The following KAZN variants were observed in gnomAD, a reference collection of about 807,000 sequenced individuals.
KAZN encodes the protein kazrin.
A neutral mutation model predicts 87.4 loss-of-function variants in KAZN; 40 were observed. That is an observed-to-expected ratio of 0.46 (90% CI 0.36 to 0.60). The LOEUF (loss-of-function observed/expected upper bound fraction) is 0.60. Among genes scored for constraint, KAZN ranks in the 20% least tolerant of loss-of-function variants. The probability of loss-of-function intolerance (pLI) is 0.00; values close to 1 mark genes in which losing one functional copy is unlikely to be tolerated. For missense variants in KAZN, 898 were observed against 1,073.9 expected (o/e 0.84, Z 2.29); for synonymous variants, 466 against 458.3 (o/e 1.02, Z -0.22).
chr1:14,160,596 CT>C (rs1645688828), intron 1 of KAZN, among the ~76,000 whole-genome samples: 1 of 152,114 alleles, frequency 6.6e-6, no homozygotes, highest in African/African-American at 2.4e-5. Flanking sequence ...TATGAAGGTG[CT>C]TTTTTTGTGT....
chr1:14,128,632 CT>C (rs1644925324), intron 1 of KAZN, among the ~76,000 whole-genome samples: 1 of 152,070 alleles, frequency 6.6e-6, no homozygotes, highest in Non-Finnish European at 1.5e-5. Context: ...CCCAAACAGG[CT>C]TAATTTTCTC....
chr1:13,973,237 T>C (rs1445577389), intron 1 of KAZN, among the ~76,000 whole-genome samples: 1 of 152,198 alleles, frequency 6.6e-6, no homozygotes, highest in Non-Finnish European at 1.5e-5. Context: ...AACAACCTCA[T>C]GGAGGTAGAG....
intron 2 of KAZN, among the ~76,000 whole-genome samples, chr1:14,515,491 G>C (rs570521750): frequency 6.6e-6 from 1 of 152,280 alleles, no homozygotes; most frequent in Non-Finnish European, 1.5e-5. Context: ...CAAAGCACTT[G>C]GGAAACCCGG....
rs144592615 is a variant in KAZN, at chr1:14,413,266, C to T, written c.250-185717C>T. Reference sequence around the variant, plus strand: ...CATACGGAAAATAATTAAATTAGACCTTTACCTCAATACAGAAAGAGAGAA... The same window carrying T: ...CATACGGAAAATAATTAAATTAGACTTTTACCTCAATACAGAAAGAGAGAA... On this transcript the variant is annotated intron_variant, in intron 2 of 16. Transcript: ENST00000636203. 8.6e-5 allele frequency among the ~76,000 whole-genome samples: 13 copies of T among 151,708 alleles called. No individual in the cohort carries two copies. The East Asian group carries it at 2.5e-3, about 29-fold the overall frequency.
intron 1 of KAZN, among the ~76,000 whole-genome samples, chr1:14,891,826 C>A (rs12042001): frequency 0.091 from 13,820 of 152,070 alleles, 802 homozygotes; most frequent in Admixed American, 0.19. Flanking sequence ...CAATGAATAG[C>A]TATTTCTTCT....
At chr1:14,146,217 G>T (rs1399162710) in intron 1 of KAZN, among the ~76,000 whole-genome samples, 7 of 151,590 alleles carry the variant, frequency 4.6e-5, no homozygotes, top group Non-Finnish European at 1.0e-4. Context: ...TTATTTACTG[G>T]AGGATTCCAT....
At chr1:14,352,650 AG>A in intron 2 of KAZN, among the ~76,000 whole-genome samples, 1 of 152,304 alleles carries the variant, frequency 6.6e-6, no homozygotes, top group Non-Finnish European at 1.5e-5. Flanking sequence ...TTACATTCTT[AG>A]TCACGTGAGA....
At chr1:14,387,900 C>A (rs1445094799) in intron 2 of KAZN, among the ~76,000 whole-genome samples, 1 of 152,212 alleles carries the variant, frequency 6.6e-6, no homozygotes, top group Non-Finnish European at 1.5e-5. Flanking sequence ...ATGGCGGGCG[C>A]CCCTCTCCCA....
At chr1:13,951,661 TA>T (rs1641349947) in intron 1 of KAZN, among the ~76,000 whole-genome samples, 1 of 75,120 alleles carries the variant, frequency 1.3e-5, no homozygotes. Context: ...ATAATAATAA[TA>T]ATAATAATAT....
chr1:15,040,802 C>G (rs980647742), intron 3 of KAZN, among the ~76,000 whole-genome samples: 4 of 150,990 alleles, frequency 2.6e-5, no homozygotes, highest in African/African-American at 9.7e-5. Context: ...CAAAAACAAA[C>G]AAACAAAAAA....
intron 2 of KAZN, among the ~76,000 whole-genome samples, chr1:15,015,123 G>GT (rs1257058502): frequency 6.7e-6 from 1 of 150,134 alleles, no homozygotes; most frequent in African/African-American, 2.5e-5. Context: ...AAAAACTGAA[G>GT]TTTTTTCTTT....
At chr1:14,000,985 T>C (rs1303416658) in intron 1 of KAZN, among the ~76,000 whole-genome samples, 1 of 151,564 alleles carries the variant, frequency 6.6e-6, no homozygotes, top group Non-Finnish European at 1.5e-5. Flanking sequence ...GGTTTCACCG[T>C]TTTAGCCGGG....
chr1:14,455,395 T>C (rs1667511588), intron 2 of KAZN, among the ~76,000 whole-genome samples: 2 of 152,200 alleles, frequency 1.3e-5, no homozygotes, highest in Admixed American at 1.3e-4. Flanking sequence ...CTTCTGGAAC[T>C]TTCCATCCTG....
chr1:14,472,107 A>T (rs1668487801), intron 2 of KAZN, among the ~76,000 whole-genome samples: 1 of 152,198 alleles, frequency 6.6e-6, no homozygotes, highest in Non-Finnish European at 1.5e-5. Context: ...AGAAGGGTGA[A>T]CAAGATTCCT....
intron 8 of KAZN, among the ~76,000 whole-genome samples, chr1:15,093,430 T>G (rs999423880): frequency 2.0e-5 from 3 of 151,926 alleles, no homozygotes; most frequent in Non-Finnish European, 2.9e-5. Context: ...TGTGCCTTTC[T>G]CCGAAGATGA....
At chr1:14,988,206 G>A (rs907423183) in intron 2 of KAZN, among the ~76,000 whole-genome samples, 2 of 152,244 alleles carry the variant, frequency 1.3e-5, no homozygotes, top group South Asian at 4.1e-4. Flanking sequence ...GGCAGGGCCT[G>A]CTTCCTGCTC....
At chr1:14,205,898 A>AAAAAAAAAAAAAAAAC (rs1426799753) in intron 2 of KAZN, among the ~76,000 whole-genome samples, 1 of 60,778 alleles carries the variant, frequency 1.6e-5, no homozygotes, top group African/African-American at 7.4e-5. Context: ...AAAAAAAAAA[A>AAAAAAAAAAAAAAAAC]AAAAAAAAGC....
At chr1:14,736,257 GTGTGT>G (rs1557437535) in intron 1 of KAZN, among the ~76,000 whole-genome samples, 8,256 of 99,506 alleles carry the variant, frequency 0.083, 316 homozygotes, top group Middle Eastern at 0.14. Flanking sequence ...ACTCAAGGGT[GTGTGT>G]GTGTGTGTGT....
chr1:15,044,642 G>A (rs939634974), intron 4 of KAZN, among the ~76,000 whole-genome samples: 4 of 151,294 alleles, frequency 2.6e-5, no homozygotes, highest in African/African-American at 9.7e-5. Context: ...ACCGGTGGCT[G>A]AGGCAAAAGG....
Sources: allele counts gnomAD v4.1 joint callset (sites outside exome capture counted in the v4.1 genomes callset), GRCh38; gene constraint gnomAD v4.1.1; transcripts MANE v1.5; gene names NCBI Gene and HGNC (gene_info 2026-07-23, HGNC 2026-07-21).